Variants in CD5 observed in about 807,000 individuals in gnomAD.
CD5 encodes CD5 molecule.
Under a neutral mutation model 60.3 loss-of-function variants are expected in CD5, and 36 were observed. That is an observed-to-expected ratio of 0.60 (90% confidence interval 0.46 to 0.79). The LOEUF is 0.79. CD5 is among the 30% of genes least tolerant of loss of function. The pLI is 0.00. For synonymous variants in CD5, 230 were observed against 257.6 expected, an observed-to-expected ratio of 0.89 and a Z score of 1.03; for missense variants, 540 against 630.6, an observed-to-expected ratio of 0.86 and a Z score of 1.54.
Position 61,122,014 on chromosome 11 carries a change from C to A in CD5, c.1099+110C>A, listed in dbSNP as rs377577915. 8.1e-4 allele frequency: 732 copies of A among 907,918 alleles called. 11 individuals carry two copies. In the South Asian group the frequency reaches 0.017, roughly 21 times the overall value. The allele number at this position is 907,918 out of a possible 1,614,324, so 56.2% of individuals were successfully genotyped here. On this transcript the variant is annotated intron_variant, in intron 6 of 10. Coordinates refer to ENST00000347785, the MANE Select transcript of CD5 (RefSeq NM_014207.4). The stretch of plus-strand genomic sequence containing the variant: ...AGCCCTGGGGAGCTAGACAGAGAGT[C>A]CCAGAGACCCAGAAAGGATGGAGAC...
intron 2 of CD5, among the ~76,000 whole-genome samples, chr11:61,117,903 T>C (rs1860988055): frequency 6.6e-6 from 1 of 152,200 alleles, no homozygotes; most frequent in African/African-American, 2.4e-5. Flanking sequence ...GGACAGTGGG[T>C]GCCGAGAACA....
At chr11:61,104,773 C>A (rs1860754704) in intron 1 of CD5, among the ~76,000 whole-genome samples, 1 of 152,230 alleles carries the variant, frequency 6.6e-6, no homozygotes, top group African/African-American at 2.4e-5. Context: ...GCCCATTGGC[C>A]CCATTTTACA....
chr11:61,118,091 G>C lies in CD5; in HGVS notation c.95-84G>C. On this transcript the variant is annotated intron_variant, in intron 2 of 10. Transcript: ENST00000347785. The surrounding 1 kb of genome is among the most constrained non-coding windows in gnomAD (Gnocchi z 4.7). ...CCACGGGGCAGGAGGGAGCTCAACT[G>C]GGCGTCCTAGGGAGAGGGCAGTGAG... is the stretch of plus-strand genomic sequence containing the variant. 7.0e-7 allele frequency: 1 copy of C among 1,422,936 alleles called. No homozygotes were observed. Among genetic ancestry groups the C allele is most frequent in the African/African-American group, 1.4e-5 (1 of 71,198 alleles). 88.1% of individuals were successfully genotyped at this position (1,422,936 alleles called of 1,614,324 possible).
Position 61,122,983 on chromosome 11 carries a change from G to A in CD5, c.1176G>A (p.Val392=). 6.2e-7 allele frequency: 1 copy of A among 1,614,076 alleles called. No individual in the cohort carries two copies. Among genetic ancestry groups the A allele is most frequent in the South Asian group, 1.1e-5 (1 of 91,070 alleles). ...TCCTGGCCCTGGTGCTCCTGGTGGT[G>A]CTGCTGGTCGTGTGCGGCCCCCTTG... ...SIILALVLLV[V]LLVVCGPLAY... is the part of the protein sequence containing the mutation. Residue 392 remains valine (V), a synonymous_variant, in exon 7 of 11, where the codon GTG becomes GTA. Coordinates refer to ENST00000347785, the MANE Select transcript of CD5 (RefSeq NM_014207.4).
chr11:61,115,475 C>G (rs1370828171), intron 2 of CD5, among the ~76,000 whole-genome samples: 1 of 152,102 alleles, frequency 6.6e-6, no homozygotes, highest in East Asian at 1.9e-4. Context: ...AGAGAGAGGC[C>G]GCAGACTGAT....
chr11:61,121,281 C>T (rs956192333), intron 5 of CD5, among the ~76,000 whole-genome samples: 7 of 152,268 alleles, frequency 4.6e-5, no homozygotes, highest in Admixed American at 2.0e-4. Flanking sequence ...CTATTTCCCA[C>T]GCTCTTCTCT....
chr11:61,120,311 G>A (rs1861039138), intron 5 of CD5, among the ~76,000 whole-genome samples: 1 of 152,214 alleles, frequency 6.6e-6, no homozygotes. Flanking sequence ...ATGGCCGGAA[G>A]TGTTCTCAGT....
chr11:61,099,133 G>T (rs139031414), upstream of CD5, among the ~76,000 whole-genome samples: 3 of 152,306 alleles, frequency 2.0e-5, no homozygotes, highest in East Asian at 3.9e-4. Context: ...CTTCTTCAAG[G>T]GGGATGATTC....
At chr11:61,109,745 G>T (rs1201774919) in intron 1 of CD5, among the ~76,000 whole-genome samples, 1 of 152,140 alleles carries the variant, frequency 6.6e-6, no homozygotes, top group East Asian at 1.9e-4. Context: ...CTCCAGGGGT[G>T]TGATAAGCCG....
At chr11:61,117,027 C>A (rs148063540) in intron 2 of CD5, among the ~76,000 whole-genome samples, 1 of 152,316 alleles carries the variant, frequency 6.6e-6, no homozygotes, top group African/African-American at 2.4e-5. Flanking sequence ...CACACAAAGA[C>A]CTGTATGTGA....
intron 2 of CD5, among the ~76,000 whole-genome samples, chr11:61,115,301 A>G (rs1590770411): frequency 6.6e-6 from 1 of 152,160 alleles, no homozygotes. Context: ...GGTGCCCTCG[A>G]CAGCCGTAAA....
At position 61,119,385 on chromosome 11, in the gene CD5, G is replaced by T. The variant is rs984176910; in HGVS notation, c.615G>T (p.Gln205His). The T allele has an allele frequency of 4.3e-6, 7 of 1,614,078 alleles. No individual in the cohort carries two copies. Among genetic ancestry groups the T allele is most frequent in the Non-Finnish European group, 5.9e-6 (7 of 1,180,052 alleles). ...AGAACTTCCTCTGCAACAACCTCCA[G>T]TGTGGCTCCTTCTTGAAGCATCTGC... Reference protein sequence around the residue: ...DLENFLCNNLQCGSFLKHLPE... With the variant: ...DLENFLCNNLHCGSFLKHLPE... The change falls in exon 5 of 11, where the codon CAG becomes CAT. Residue 205 changes from glutamine to histidine, a missense_variant. Gln to His is a conservative substitution (Grantham distance 24). Transcript: ENST00000347785.
intron 1 of CD5, 26 bp downstream of exon 1, chr11:61,102,641 C>CG: frequency 6.4e-7 from 1 of 1,562,620 alleles, no homozygotes; most frequent in East Asian, 2.3e-5. Context: ...AGGTGTCCTG[C>CG]GAACACCCGG....
intron 2 of CD5, among the ~76,000 whole-genome samples, chr11:61,115,534 G>C (rs1265789561): frequency 1.3e-5 from 2 of 152,200 alleles, no homozygotes; most frequent in African/African-American, 4.8e-5. Context: ...TTTAGTCGTA[G>C]AGGCTGTTTC....
chr11:61,116,144 C>T (rs1430788981), intron 2 of CD5, among the ~76,000 whole-genome samples: 1 of 152,192 alleles, frequency 6.6e-6, no homozygotes, highest in East Asian at 1.9e-4. Context: ...AAACCTCCCC[C>T]TCAGAATCAC....
chr11:61,105,123 T>C (rs1165984241), intron 1 of CD5, among the ~76,000 whole-genome samples: 3 of 152,240 alleles, frequency 2.0e-5, no homozygotes, highest in African/African-American at 7.2e-5. Context: ...CTTGGGGACC[T>C]TTGGATCCTG....
At position 61,118,539 on chromosome 11, in the gene CD5, T is replaced by A; in HGVS notation, c.400+59T>A. On this transcript the variant is annotated intron_variant, in intron 3 of 10. Transcript: ENST00000347785. This position sits in a 1 kb window ranked among gnomAD's most constrained non-coding sequence, Gnocchi z 4.7. Reference sequence around the variant, plus strand: ...GCCTGGGCGCCAGCCCCGAGGAGACTGCCCGAGGCCTGTGATCTAGGGTCT... The same window carrying A: ...GCCTGGGCGCCAGCCCCGAGGAGACAGCCCGAGGCCTGTGATCTAGGGTCT... 6.5e-7 allele frequency: 1 copy of A among 1,539,246 alleles called. No individual in the cohort carries two copies. The highest frequency in any genetic ancestry group is 2.2e-5 in the East Asian group (1 of 44,450).
chr11:61,119,364 C>T lies in CD5; in HGVS notation c.594C>T (p.Asn198=), dbSNP rs781627508. Residue 198 remains asparagine (N), a synonymous_variant, in exon 5 of 11, where the codon AAC becomes AAT. Transcript: ENST00000347785. ...AGGACAAGACCCAGGACCTGGAGAACTTCCTCTGCAACAACCTCCAGTGTG... is the reference window on the plus strand; with the variant it reads ...AGGACAAGACCCAGGACCTGGAGAATTTCCTCTGCAACAACCTCCAGTGTG... ...EAQDKTQDLE[N]FLCNNLQCGS... 7.4e-6 allele frequency: 12 copies of T among 1,614,096 alleles called. No individual in the cohort carries two copies. Among genetic ancestry groups the T allele is most frequent in the Non-Finnish European group, 1.0e-5 (12 of 1,180,048 alleles).
At chr11:61,119,151 C>T (rs1861011929) in intron 4 of CD5, 83 bp from the exon 5 acceptor site, 3 of 1,369,400 alleles carry the variant, frequency 2.2e-6, no homozygotes, top group Non-Finnish European at 3.0e-6. Flanking sequence ...TAGTTGTCCA[C>T]AAGTTGGGGC....
Sources: allele counts gnomAD v4.1 joint callset (sites outside exome capture counted in the v4.1 genomes callset), GRCh38; gene constraint gnomAD v4.1.1; non-coding constraint Gnocchi (gnomAD v3.1); transcripts MANE v1.5; gene names NCBI Gene and HGNC (gene_info 2026-07-23, HGNC 2026-07-21).